Variants in DSCAM observed in about 807,000 individuals in gnomAD.
The protein encoded by DSCAM is cell adhesion molecule DSCAM.
Under a neutral mutation model 217.7 loss-of-function variants are expected in DSCAM, and 47 were observed. The ratio of observed to expected loss-of-function variants is 0.22; its 90% CI spans 0.17 to 0.28. The LOEUF (loss-of-function observed/expected upper bound fraction) is 0.28, where lower values mean the gene tolerates loss of function less well. DSCAM is among the 10% of genes least tolerant of loss of function. The pLI is 1.00. For missense variants in DSCAM, 2,080 were observed against 2,618.3 expected, an observed-to-expected ratio of 0.79 and a Z score of 4.49; for synonymous variants, 1,056 against 1,015.3, an observed-to-expected ratio of 1.04 and a Z score of -0.76.
intron 3 of DSCAM, among the ~76,000 whole-genome samples, chr21:40,539,350 C>G (rs912958407): frequency 2.0e-5 from 3 of 151,974 alleles, no homozygotes; most frequent in African/African-American, 7.3e-5. Context: ...AAAAAATTAG[C>G]CGGGCATGGT....
intron 1 of DSCAM, among the ~76,000 whole-genome samples, chr21:40,816,253 C>A (rs1316253502): frequency 6.6e-6 from 1 of 152,158 alleles, no homozygotes; most frequent in Non-Finnish European, 1.5e-5. Flanking sequence ...GTCCTTAGTT[C>A]TGTCCTGCAC....
At chr21:40,257,156 T>C (rs1018108709) in intron 11 of DSCAM, among the ~76,000 whole-genome samples, 4 of 152,170 alleles carry the variant, frequency 2.6e-5, no homozygotes, top group Non-Finnish European at 5.9e-5. Flanking sequence ...CTTTGGGGAA[T>C]TGGTTCCAGG....
chr21:40,551,482 G>T (rs964808614), intron 3 of DSCAM, among the ~76,000 whole-genome samples: 24 of 152,136 alleles, frequency 1.6e-4, no homozygotes, highest in African/African-American at 5.6e-4. Context: ...AGAGACAATA[G>T]ATAGCAAATG....
intron 3 of DSCAM, among the ~76,000 whole-genome samples, chr21:40,493,863 CAAAAAAA>C (rs57564776): frequency 8.0e-6 from 1 of 125,422 alleles, no homozygotes; most frequent in African/African-American, 2.8e-5. Context: ...AACTCCATCT[CAAAAAAA>C]AAAAAAAAAA....
At chr21:40,614,281 G>A (rs1162146763) in intron 3 of DSCAM, among the ~76,000 whole-genome samples, 1 of 152,158 alleles carries the variant, frequency 6.6e-6, no homozygotes, top group African/African-American at 2.4e-5. Context: ...TCCTTTTCAT[G>A]TACTTGGTAA....
At chr21:40,506,604 T>C (rs527663227) in intron 3 of DSCAM, among the ~76,000 whole-genome samples, 28 of 152,280 alleles carry the variant, frequency 1.8e-4, no homozygotes, top group Admixed American at 1.7e-3. Flanking sequence ...ACTGTCGAGT[T>C]TGTATATATG....
chr21:40,107,686 C>T (rs757981564), intron 20 of DSCAM, among the ~76,000 whole-genome samples: 19 of 151,946 alleles, frequency 1.3e-4, no homozygotes, highest in South Asian at 2.1e-4. Context: ...TGGGTGCTCC[C>T]GTGTTGGATG....
chr21:40,015,416 T>C (rs1757776074), intron 32 of DSCAM, among the ~76,000 whole-genome samples: 2 of 41,288 alleles, frequency 4.8e-5, no homozygotes, highest in South Asian at 1.9e-3. Flanking sequence ...ATCTCTTGAC[T>C]CTTTTTTTTT....
chr21:40,795,389 G>T (rs972858696), intron 1 of DSCAM, among the ~76,000 whole-genome samples: 2 of 151,592 alleles, frequency 1.3e-5, no homozygotes, highest in Admixed American at 6.6e-5. Context: ...TCATATTCCT[G>T]GACTGTTCAC....
intron 10 of DSCAM, among the ~76,000 whole-genome samples, chr21:40,289,082 C>T (rs1285297382): frequency 1.3e-5 from 2 of 152,206 alleles, no homozygotes; most frequent in Non-Finnish European, 2.9e-5. Context: ...TAAACCAGCA[C>T]TTCTTCTCTT....
intron 4 of DSCAM, among the ~76,000 whole-genome samples, chr21:40,362,588 C>A (rs1293251380): frequency 1.3e-5 from 2 of 152,174 alleles, no homozygotes; most frequent in Non-Finnish European, 2.9e-5. Context: ...CTAATTGTGT[C>A]ATTTCGTTCG....
rs372298568 is a variant in DSCAM, at chr21:40,221,756, G to A, written c.2357-32518C>T. ...GCCGTTGTGGTCTTCACAATTGTCCGTCAACACTCGCAACAAAAACAAACG... is the reference window on the plus strand; with the variant it reads ...GCCGTTGTGGTCTTCACAATTGTCCATCAACACTCGCAACAAAAACAAACG... On this transcript the variant is annotated intron_variant, in intron 11 of 32. Transcript: ENST00000400454. 3.1e-4 allele frequency among the ~76,000 whole-genome samples: 47 copies of A among 152,276 alleles called. 1 individual carries two copies. Among genetic ancestry groups the A allele is most frequent in the East Asian group, 1.9e-3 (10 of 5,192 alleles).
At chr21:40,357,599 A>G (rs2074708757) in intron 4 of DSCAM, among the ~76,000 whole-genome samples, 1 of 152,116 alleles carries the variant, frequency 6.6e-6, no homozygotes, top group South Asian at 2.1e-4. Context: ...ATCCAAGATA[A>G]TATGTATTAC....
chr21:40,189,297 G>A, intron 11 of DSCAM, 59 bp from the exon 12 acceptor site: 2 of 1,339,378 alleles, frequency 1.5e-6, no homozygotes, highest in Non-Finnish European at 1.0e-6. Flanking sequence ...ATTTTCCCTG[G>A]CAAAACACTC....
At chr21:40,732,051 A>G (rs999684134) in intron 1 of DSCAM, among the ~76,000 whole-genome samples, 21 of 152,224 alleles carry the variant, frequency 1.4e-4, no homozygotes, top group African/African-American at 5.1e-4. Context: ...TAAAAGCCCC[A>G]TCTCCACATA....
chr21:40,264,056 T>TA (rs113936417), intron 11 of DSCAM, among the ~76,000 whole-genome samples: 4,792 of 147,984 alleles, frequency 0.032, 239 homozygotes, highest in African/African-American at 0.11. Context: ...GAATCAGCAA[T>TA]AAAAAAAAAA....
chr21:40,790,467 T>C (rs144425392), intron 1 of DSCAM, among the ~76,000 whole-genome samples: 158 of 152,356 alleles, frequency 1.0e-3, no homozygotes, highest in African/African-American at 3.6e-3. Context: ...TACTTTATCT[T>C]ACCCTTAATA....
intron 16 of DSCAM, among the ~76,000 whole-genome samples, chr21:40,146,904 T>C (rs937542503): frequency 1.3e-5 from 2 of 152,136 alleles, no homozygotes; most frequent in Non-Finnish European, 2.9e-5. Flanking sequence ...TATGTGAAAA[T>C]TGTTTTGCTG....
chr21:40,625,387 A>G (rs771543369), intron 3 of DSCAM, among the ~76,000 whole-genome samples: 9 of 152,184 alleles, frequency 5.9e-5, no homozygotes, highest in Non-Finnish European at 1.2e-4. Flanking sequence ...ACTTTCCTCT[A>G]TGGAAGAGTC....
Sources: gnomAD v4.1 joint callset for allele counts (sites outside exome capture counted in the v4.1 genomes callset) on GRCh38, gnomAD v4.1.1 for gene constraint, MANE v1.5 for transcripts, NCBI Gene and HGNC (gene_info 2026-07-23, HGNC 2026-07-21) for gene names.